The following YAF2 variants were observed in gnomAD, a reference collection of about 807,000 sequenced individuals.
The protein encoded by YAF2 is YY1-associated factor 2.
YAF2 carries 7 observed loss-of-function variants against 20.1 expected under a neutral mutation model. That is an observed-to-expected ratio of 0.35 (90% confidence interval 0.20 to 0.65). YAF2 has a LOEUF of 0.65. Among genes scored for constraint, YAF2 ranks in the 30% least tolerant of loss-of-function variants. The pLI is 0.69. For synonymous variants in YAF2, 74 were observed against 76.0 expected (o/e 0.97, Z 0.14); for missense variants, 151 against 219.2 (o/e 0.69, Z 1.96).
At chr12:42,175,189 A>G (rs930740337) in intron 2 of YAF2, among the ~76,000 whole-genome samples, 3 of 152,364 alleles carry the variant, frequency 2.0e-5, no homozygotes, top group African/African-American at 7.2e-5. Flanking sequence ...AATACTACTC[A>G]GCAACACAAA....
chr12:42,196,227 G>GAA (rs34267272), intron 2 of YAF2, among the ~76,000 whole-genome samples: 1,327 of 74,186 alleles, frequency 0.018, 30 homozygotes, highest in East Asian at 0.092. Context: ...AATCCATCTG[G>GAA]AAAAAAAAAA....
At chr12:42,218,230 AT>A (rs1330819601) in intron 2 of YAF2, among the ~76,000 whole-genome samples, 3 of 150,974 alleles carry the variant, frequency 2.0e-5, no homozygotes, top group Non-Finnish European at 4.4e-5. Flanking sequence ...ACACACACAG[AT>A]GATTATCGAT....
intron 2 of YAF2, among the ~76,000 whole-genome samples, chr12:42,164,797 TG>T (rs2065873872): frequency 6.6e-6 from 1 of 151,864 alleles, no homozygotes; most frequent in Admixed American, 6.6e-5. Flanking sequence ...CAACCAAGCG[TG>T]GTGGCTCACA....
intron 2 of YAF2, among the ~76,000 whole-genome samples, chr12:42,228,677 T>C (rs865810790): frequency 1.6e-4 from 10 of 61,642 alleles, no homozygotes; most frequent in South Asian, 7.1e-4. Context: ...TCAGCCCCCC[T>C]GCCCGGCCAG....
chr12:42,238,005 G>T (rs2068237687), intron 1 of YAF2, 150 bp downstream of exon 1: 2 of 445,764 alleles, frequency 4.5e-6, no homozygotes, highest in African/African-American at 2.2e-5. Context: ...GGCCGGCGCC[G>T]GCCCCCTCAA....
At chr12:42,210,731 T>C in intron 2 of YAF2, 2 of 1,478,368 alleles carry the variant, frequency 1.4e-6, no homozygotes, top group East Asian at 2.5e-5. Context: ...TTATCACACG[T>C]AGAACTACAG....
chr12:42,207,331 A>C (rs965590736), intron 2 of YAF2, among the ~76,000 whole-genome samples: 2 of 152,208 alleles, frequency 1.3e-5, no homozygotes, highest in African/African-American at 4.8e-5. Context: ...AAAGAAAGCA[A>C]TAATCTTCTA....
At chr12:42,163,087 T>C (rs1216773642) in intron 2 of YAF2, among the ~76,000 whole-genome samples, 1 of 152,178 alleles carries the variant, frequency 6.6e-6, no homozygotes. Flanking sequence ...TCTGATTCAG[T>C]AGGCCTTGAA....
Position 42,160,599 on chromosome 12 carries a change from T to C in YAF2, c.533A>G (p.Glu178Gly). Residue 178 changes from glutamate to glycine, a missense_variant, in exon 4 of 4, where the codon GAA becomes GGA. This residue lies in a region of YAF2 where 51 missense variants were observed against 48.9 expected (regional missense o/e 1.04). Coordinates refer to ENST00000534854, the MANE Select transcript of YAF2 (RefSeq NM_005748.6). ...PRGEASSLNGESH is the reference protein window; with the variant it reads ...PRGEASSLNGGSH ...TGGAGAAAATAAACTTTAATGAGAT[T>C]CTCCATTCAATGATGAGGCTTCTCC... 1 of 1,612,160 alleles carries C rather than the reference T, an allele frequency of 6.2e-7. No individual in the cohort carries two copies. The highest frequency in any genetic ancestry group is 8.5e-7 in the Non-Finnish European group (1 of 1,178,908).
chr12:42,230,312 A>G (rs753598383), intron 2 of YAF2, among the ~76,000 whole-genome samples: 22 of 151,938 alleles, frequency 1.4e-4, no homozygotes, highest in Non-Finnish European at 3.1e-4. Context: ...AAGAGAAAGA[A>G]AAAGTACCAT....
intron 2 of YAF2, among the ~76,000 whole-genome samples, chr12:42,167,162 A>G (rs1367746939): frequency 6.6e-6 from 1 of 152,110 alleles, no homozygotes; most frequent in African/African-American, 2.4e-5. Context: ...AAGGGGAGGG[A>G]GAGTATTAGG....
At chr12:42,185,097 G>A (rs1448290048) in intron 2 of YAF2, among the ~76,000 whole-genome samples, 4 of 152,192 alleles carry the variant, frequency 2.6e-5, no homozygotes, top group Non-Finnish European at 5.9e-5. Context: ...AGGATGGCTT[G>A]AGCCTGGGAG....
At position 42,160,767 on chromosome 12, in the gene YAF2, T is replaced by C; in HGVS notation, c.365A>G (p.Asp122Gly). Residue 122 changes from aspartate to glycine, a missense_variant, in exon 4 of 4, where the codon GAT becomes GGT. Physicochemically the swap from Asp to Gly is moderately conservative, Grantham distance 94. Transcript: ENST00000534854. ...AAAGTCTGTAATAATGACTGTCAGATCTCCAACAGTAACTTCCAAATGCTG... is the reference window on the plus strand; with the variant it reads ...AAAGTCTGTAATAATGACTGTCAGACCTCCAACAGTAACTTCCAAATGCTG... ...SAQHLEVTVG[D>G]LTVIITDFKE... 1 of 1,613,712 alleles carries C rather than the reference T, an allele frequency of 6.2e-7. No individual in the cohort carries two copies. The highest frequency in any genetic ancestry group is 8.5e-7 in the Non-Finnish European group (1 of 1,179,840).
intron 2 of YAF2, among the ~76,000 whole-genome samples, chr12:42,178,396 A>T (rs2066252935): frequency 1.3e-5 from 2 of 152,184 alleles, no homozygotes; most frequent in Admixed American, 1.3e-4. Context: ...ATAAAACAAG[A>T]TCAAATCAGG....
At chr12:42,198,728 T>C (rs376890544) in intron 2 of YAF2, among the ~76,000 whole-genome samples, 1 of 147,654 alleles carries the variant, frequency 6.8e-6, no homozygotes, top group East Asian at 1.9e-4. Flanking sequence ...CAGACTACAA[T>C]TGATTAATAG....
intron 2 of YAF2, among the ~76,000 whole-genome samples, chr12:42,225,120 T>C (rs2067650748): frequency 6.6e-6 from 1 of 152,242 alleles, no homozygotes; most frequent in Admixed American, 6.5e-5. Context: ...ATTTCTCTAA[T>C]GACCAGTGAT....
intron 2 of YAF2, among the ~76,000 whole-genome samples, chr12:42,181,608 T>A (rs2066343887): frequency 6.6e-6 from 1 of 152,210 alleles, no homozygotes; most frequent in Non-Finnish European, 1.5e-5. Context: ...TAAAAGGTAA[T>A]TATGATTTTT....
At chr12:42,198,139 G>C (rs550597372) in intron 2 of YAF2, among the ~76,000 whole-genome samples, 3 of 152,214 alleles carry the variant, frequency 2.0e-5, no homozygotes, top group African/African-American at 7.2e-5. Flanking sequence ...ATCATGTAAG[G>C]AATCTTTCTG....
chr12:42,229,911 A>G (rs2067926897), intron 2 of YAF2, among the ~76,000 whole-genome samples: 1 of 152,196 alleles, frequency 6.6e-6, no homozygotes, highest in Non-Finnish European at 1.5e-5. Flanking sequence ...GACTGACTCT[A>G]CATACATAGA....
Sources: allele counts gnomAD v4.1 joint callset (sites outside exome capture counted in the v4.1 genomes callset), GRCh38; gene constraint gnomAD v4.1.1; regional missense constraint gnomAD v4.1.1; transcripts MANE v1.5; gene names NCBI Gene and HGNC (gene_info 2026-07-23, HGNC 2026-07-21).